APAF1: variants seen among roughly 807,000 people sequenced by gnomAD.
The protein encoded by APAF1 is apoptotic protease-activating factor 1.
In APAF1, 91 loss-of-function variants were observed where a neutral mutation model predicts 152.4. The ratio of observed to expected loss-of-function variants is 0.60; its 90% CI spans 0.50 to 0.71. APAF1 has a LOEUF of 0.71. Among genes scored for constraint, APAF1 ranks in the 30% least tolerant of loss-of-function variants. The probability of loss-of-function intolerance (pLI) is 0.00; values close to 1 mark genes in which losing one functional copy is unlikely to be tolerated. For synonymous variants in APAF1, 484 were observed against 494.1 expected (o/e 0.98, Z 0.27); for missense variants, 1,283 against 1,472.0 (o/e 0.87, Z 2.10).
chr12:98,676,244 C>T (rs1224403824), intron 12 of APAF1, among the ~76,000 whole-genome samples: 1 of 152,158 alleles, frequency 6.6e-6, no homozygotes. Context: ...AACAGACCCT[C>T]AGTCACCCAG....
intron 12 of APAF1, among the ~76,000 whole-genome samples, chr12:98,673,478 G>T (rs191974277): frequency 6.6e-6 from 1 of 150,640 alleles, no homozygotes; most frequent in African/African-American, 2.4e-5. Flanking sequence ...CCTTGGGTCT[G>T]CCTGGCTTTA....
intron 12 of APAF1, among the ~76,000 whole-genome samples, chr12:98,676,547 C>G (rs2097686725): frequency 1.3e-5 from 2 of 151,860 alleles, no homozygotes; most frequent in Non-Finnish European, 2.9e-5. Flanking sequence ...AATATAATAT[C>G]TATACTGGTG....
intron 12 of APAF1, among the ~76,000 whole-genome samples, chr12:98,675,853 C>G (rs1046049008): frequency 6.6e-6 from 1 of 152,078 alleles, no homozygotes; most frequent in Non-Finnish European, 1.5e-5. Context: ...TATGATTTAC[C>G]TTTGTGTTCA....
rs760473774 is a variant in APAF1 at position 98,703,429 on chromosome 12, C to T, written c.2525C>T (p.Thr842Ile). Residue 842 changes from threonine (T) to isoleucine (I), a missense_variant, in exon 18 of 27, where the codon ACC becomes ATC. By Grantham distance (89) the Thr-to-Ile change is moderately conservative (BLOSUM62 -1). Transcript: ENST00000551964. Reference sequence around the variant, plus strand: ...GAAATCCACACGGGCCATCACAGCACCATCCAGTACTGTGACTTCTCCCCA... The same window carrying T: ...GAAATCCACACGGGCCATCACAGCATCATCCAGTACTGTGACTTCTCCCCA... ...LGEIHTGHHS[T>I]IQYCDFSPQN... is the part of the protein sequence containing the mutation. 1 of 1,614,178 alleles carries T rather than the reference C, an allele frequency of 6.2e-7. No homozygotes were observed. The highest frequency in any genetic ancestry group is 8.5e-7 in the Non-Finnish European group (1 of 1,180,030).
Position 98,732,830 on chromosome 12 carries a change from G to A in APAF1, c.*264G>A. 1 of 403,340 alleles carries A rather than the reference G, an allele frequency of 2.5e-6. No homozygotes were observed. The highest frequency in any genetic ancestry group is 2.6e-5 in the South Asian group (1 of 39,106). The allele number at this position is 403,340 out of a possible 1,614,324, so 25.0% of individuals were successfully genotyped here. On this transcript the variant is annotated 3_prime_UTR_variant, in exon 27 of 27. Coordinates refer to ENST00000551964, the MANE Select transcript of APAF1 (RefSeq NM_181861.2). ...ATGTGAATACATACCTTGTTGTACT[G>A]TTGGTAAAATTCTGTCTTGATGCAT... is the stretch of plus-strand genomic sequence containing the variant.
intron 4 of APAF1, among the ~76,000 whole-genome samples, chr12:98,653,713 T>TAGATATAG (rs1204979641): frequency 1.5e-4 from 17 of 111,096 alleles, no homozygotes; most frequent in African/African-American, 5.5e-4. Flanking sequence ...TATATATATA[T>TAGATATAG]ATATATATAT....
chr12:98,646,677 T>C (rs758151691), intron 1 of APAF1, among the ~76,000 whole-genome samples: 1 of 152,244 alleles, frequency 6.6e-6, no homozygotes, highest in African/African-American at 2.4e-5. Flanking sequence ...ATGAATGAAT[T>C]GATAAACCCG....
Position 98,735,303 on chromosome 12 carries a change from C to T in APAF1, c.*2737C>T, listed in dbSNP as rs906233648. Reference sequence around the variant, plus strand: ...TATAATTTTTTTTTACATTATATGTCTCTTGTATGTTTTGAAACTCTTGTA... The same window carrying T: ...TATAATTTTTTTTTACATTATATGTTTCTTGTATGTTTTGAAACTCTTGTA... On this transcript the variant is annotated 3_prime_UTR_variant, in exon 27 of 27. Coordinates refer to ENST00000551964, the MANE Select transcript of APAF1 (RefSeq NM_181861.2). The T allele has an allele frequency of 2.5e-6, 1 of 401,464 alleles. No individual in the cohort carries two copies. The highest frequency in any genetic ancestry group is 4.4e-6 in the Non-Finnish European group (1 of 227,982). 24.9% of individuals were successfully genotyped at this position (401,464 alleles called of 1,614,324 possible). A position where few individuals can be genotyped will look rare whatever the true frequency, so the allele number is the denominator to read the frequency against.
chr12:98,675,897 A>C (rs2097685955), intron 12 of APAF1, among the ~76,000 whole-genome samples: 1 of 152,156 alleles, frequency 6.6e-6, no homozygotes. Flanking sequence ...TGTGTGGTTA[A>C]GTTTTTTGAA....
intron 21 of APAF1, among the ~76,000 whole-genome samples, chr12:98,714,146 C>T (rs1480302376): frequency 1.3e-5 from 2 of 152,156 alleles, no homozygotes; most frequent in East Asian, 3.8e-4. Flanking sequence ...CTTGGTTTCC[C>T]TTTTCTCTTT....
intron 5 of APAF1, among the ~76,000 whole-genome samples, chr12:98,660,103 T>G (rs1183584707): frequency 6.6e-6 from 1 of 152,214 alleles, no homozygotes; most frequent in African/African-American, 2.4e-5. Context: ...CCCAGCACTT[T>G]GGGAGGCCAT....
chr12:98,674,356 A>G (rs979097531), intron 12 of APAF1, among the ~76,000 whole-genome samples: 3 of 152,168 alleles, frequency 2.0e-5, no homozygotes, highest in Non-Finnish European at 4.4e-5. Flanking sequence ...ATGTAAGATG[A>G]AAAGTCAAAG....
chr12:98,685,772 A>T (rs1157198275), intron 15 of APAF1, among the ~76,000 whole-genome samples: 1 of 152,118 alleles, frequency 6.6e-6, no homozygotes, highest in Admixed American at 6.5e-5. Context: ...AGTAGCTGGG[A>T]TTACAGGCAT....
intron 16 of APAF1, among the ~76,000 whole-genome samples, chr12:98,692,880 A>T (rs977071052): frequency 6.6e-6 from 1 of 151,936 alleles, no homozygotes; most frequent in African/African-American, 2.4e-5. Flanking sequence ...TGGTAGAATG[A>T]TTTGTTTTCC....
chr12:98,708,633 C>T lies in APAF1; in HGVS notation c.2770C>T (p.Gln924Ter). 6.2e-7 allele frequency: 1 copy of T among 1,613,558 alleles called. No homozygotes were observed. The highest frequency in any genetic ancestry group is 8.5e-7 in the Non-Finnish European group (1 of 1,179,668). ...VCKNSAVMLK[Q>*]EVDVVFQENE... ...TAAGAACTCTGCTGTAATGTTAAAG[C>T]AAGAAGTAGATGTTGTGTTTCAAGA... The change falls in exon 20 of 27, where the codon CAA becomes TAA. Residue 924 changes from glutamine to a stop codon, truncating the protein, a stop_gained. Transcript: ENST00000551964. LOFTEE classifies it high-confidence loss of function.
intron 17 of APAF1, among the ~76,000 whole-genome samples, chr12:98,702,098 C>G (rs1422784679): frequency 1.3e-5 from 2 of 151,920 alleles, no homozygotes; most frequent in African/African-American, 4.8e-5. Flanking sequence ...TGGAGTCTCG[C>G]TCTTTCGCCC....
chr12:98,679,425 A>T, intron 13 of APAF1, among the ~76,000 whole-genome samples: 1 of 152,220 alleles, frequency 6.6e-6, no homozygotes, highest in East Asian at 1.9e-4. Flanking sequence ...TTATCGCTCA[A>T]TAAAGCTCCT....
At chr12:98,726,420 C>T (rs2097750702) in intron 25 of APAF1, 1 of 149,954 alleles carries the variant, frequency 6.7e-6, no homozygotes, top group Non-Finnish European at 1.5e-5. Flanking sequence ...GGGTTTTCCC[C>T]CTTTCATTAC....
At chr12:98,682,380 A>G (rs190474973) in intron 14 of APAF1, among the ~76,000 whole-genome samples, 229 of 152,234 alleles carry the variant, frequency 1.5e-3, no homozygotes, top group African/African-American at 5.1e-3. Flanking sequence ...TGAAAACTGA[A>G]CACTATAAGA....
Sources: gnomAD v4.1 joint callset for allele counts (sites outside exome capture counted in the v4.1 genomes callset) on GRCh38, gnomAD v4.1.1 for gene constraint, MANE v1.5 for transcripts, NCBI Gene and HGNC (gene_info 2026-07-23, HGNC 2026-07-21) for gene names.